MACROD2: variants seen among roughly 807,000 people sequenced by gnomAD.
MACROD2 encodes ADP-ribose glycohydrolase MACROD2.
In MACROD2, 36 loss-of-function variants were observed where a neutral mutation model predicts 70.4. The observed-to-expected ratio is 0.51, with a 90% CI of 0.39 to 0.68. MACROD2 has a LOEUF of 0.68. Among genes scored for constraint, MACROD2 ranks in the 30% least tolerant of loss-of-function variants. The pLI is 0.00. For missense variants in MACROD2, 496 were observed against 538.4 expected, an observed-to-expected ratio of 0.92 and a Z score of 0.78; for synonymous variants, 172 against 178.8, an observed-to-expected ratio of 0.96 and a Z score of 0.30.
intron 8 of MACROD2, among the ~76,000 whole-genome samples, chr20:15,680,939 C>A (rs2050151513): frequency 6.6e-6 from 1 of 152,196 alleles, no homozygotes; most frequent in Admixed American, 6.5e-5. Context: ...AAACTCATCA[C>A]ATGATACTCC....
At chr20:15,072,216 T>A (rs891223335) in intron 5 of MACROD2, among the ~76,000 whole-genome samples, 3 of 152,204 alleles carry the variant, frequency 2.0e-5, no homozygotes, top group African/African-American at 7.2e-5. Context: ...GATTCCTTTG[T>A]TGACAAATAG....
intron 5 of MACROD2, among the ~76,000 whole-genome samples, chr20:15,176,450 C>T (rs1390672595): frequency 1.3e-5 from 2 of 152,236 alleles, no homozygotes; most frequent in East Asian, 3.9e-4. Context: ...GCACTTCCTC[C>T]CTTATGAGCC....
chr20:14,193,791 C>T lies in MACROD2; in HGVS notation c.271+108063C>T, dbSNP rs141765024. Among the ~76,000 whole-genome samples, 430 of 152,244 alleles carry T rather than the reference C, an allele frequency of 2.8e-3. 2 individuals carry two copies. Among genetic ancestry groups the T allele is most frequent in the African/African-American group, 9.7e-3 (403 of 41,538 alleles). On this transcript the variant is annotated intron_variant, in intron 3 of 17. Transcript: ENST00000684519. ...GTAGTGCCCATTGGCTCAATTGGAA[C>T]GAGGCAGAAATCTCTAGGGGTCAGC... is the stretch of plus-strand genomic sequence containing the variant.
At chr20:14,451,771 G>A (rs2084248392) in intron 3 of MACROD2, among the ~76,000 whole-genome samples, 1 of 152,166 alleles carries the variant, frequency 6.6e-6, no homozygotes, top group Admixed American at 6.5e-5. Context: ...GTAAGGCCAA[G>A]GGAATATGGG....
chr20:15,164,522 G>A (rs895781717), intron 5 of MACROD2, among the ~76,000 whole-genome samples: 4 of 152,112 alleles, frequency 2.6e-5, no homozygotes, highest in African/African-American at 9.7e-5. Flanking sequence ...TCCTTGAGAT[G>A]CAATCAAGGT....
intron 4 of MACROD2, among the ~76,000 whole-genome samples, chr20:14,649,871 G>A (rs1343404196): frequency 6.6e-6 from 1 of 152,124 alleles, no homozygotes; most frequent in African/African-American, 2.4e-5. Context: ...CACAGGCTGG[G>A]TGGGGCTGAG....
chr20:14,586,988 A>ATT (rs1981426736), intron 4 of MACROD2, among the ~76,000 whole-genome samples: 1 of 151,896 alleles, frequency 6.6e-6, no homozygotes, highest in African/African-American at 2.4e-5. Context: ...TTCAAAATGT[A>ATT]TTATTTTCTT....
At chr20:14,643,092 A>G (rs1173593787) in intron 4 of MACROD2, among the ~76,000 whole-genome samples, 3 of 152,220 alleles carry the variant, frequency 2.0e-5, no homozygotes, top group East Asian at 3.8e-4. Context: ...ATAACAAAAT[A>G]TCCAAATAAA....
intron 8 of MACROD2, among the ~76,000 whole-genome samples, chr20:15,720,571 T>G (rs2050774118): frequency 6.6e-6 from 1 of 152,188 alleles, no homozygotes; most frequent in African/African-American, 2.4e-5. Flanking sequence ...TCGTTAGAGA[T>G]GCAATTTGTG....
At chr20:14,420,872 G>C (rs1372264417) in intron 3 of MACROD2, among the ~76,000 whole-genome samples, 2 of 151,920 alleles carry the variant, frequency 1.3e-5, no homozygotes, top group Non-Finnish European at 2.9e-5. Flanking sequence ...TTAATTTTTT[G>C]TGTAGAGGTG....
At chr20:15,048,492 G>A (rs371408944) in intron 5 of MACROD2, among the ~76,000 whole-genome samples, 1 of 150,500 alleles carries the variant, frequency 6.6e-6, no homozygotes, top group Non-Finnish European at 1.5e-5. Context: ...TAGTATCTAC[G>A]TGCCTACCTT....
At chr20:14,270,428 A>G (rs2082182126) in intron 3 of MACROD2, among the ~76,000 whole-genome samples, 1 of 152,054 alleles carries the variant, frequency 6.6e-6, no homozygotes, top group Non-Finnish European at 1.5e-5. Flanking sequence ...TGTCTCTACT[A>G]AAACACAAAA....
At chr20:15,033,215 G>C (rs780467192) in intron 5 of MACROD2, among the ~76,000 whole-genome samples, 1 of 152,198 alleles carries the variant, frequency 6.6e-6, no homozygotes, top group Non-Finnish European at 1.5e-5. Context: ...AATGGCTACA[G>C]TGATAAATTA....
At chr20:14,820,438 G>A (rs888679164) in intron 5 of MACROD2, among the ~76,000 whole-genome samples, 1 of 143,052 alleles carries the variant, frequency 7.0e-6, no homozygotes, top group Non-Finnish European at 1.5e-5. Flanking sequence ...CAGCTACTGT[G>A]ATATCTTCTG....
intron 8 of MACROD2, among the ~76,000 whole-genome samples, chr20:15,694,165 G>T (rs188971176): frequency 6.6e-6 from 1 of 152,242 alleles, no homozygotes; most frequent in South Asian, 2.1e-4. Flanking sequence ...GAATTGTGCT[G>T]CTATAAACAT....
At chr20:14,273,885 G>C (rs1601423056) in intron 3 of MACROD2, among the ~76,000 whole-genome samples, 1 of 152,066 alleles carries the variant, frequency 6.6e-6, no homozygotes, top group Non-Finnish European at 1.5e-5. Context: ...AAATAAACTA[G>C]AAAATCTAGA....
chr20:14,384,727 A>G (rs1403425603), intron 3 of MACROD2, among the ~76,000 whole-genome samples: 2 of 152,076 alleles, frequency 1.3e-5, no homozygotes, highest in African/African-American at 2.4e-5. Flanking sequence ...TTTATTTTAC[A>G]TACTAGTAAT....
At chr20:15,171,503 C>A (rs1435249885) in intron 5 of MACROD2, among the ~76,000 whole-genome samples, 1 of 151,860 alleles carries the variant, frequency 6.6e-6, no homozygotes, top group Non-Finnish European at 1.5e-5. Context: ...TACATAGTAA[C>A]AAGATTCAAT....
intron 5 of MACROD2, among the ~76,000 whole-genome samples, chr20:14,888,944 G>T (rs1345361259): frequency 6.6e-6 from 1 of 151,934 alleles, no homozygotes; most frequent in Non-Finnish European, 1.5e-5. Flanking sequence ...CATGAATTTT[G>T]GGAGAAAAGC....
Sources: gnomAD v4.1 joint callset for allele counts (sites outside exome capture counted in the v4.1 genomes callset) on GRCh38, gnomAD v4.1.1 for gene constraint, MANE v1.5 for transcripts, NCBI Gene and HGNC (gene_info 2026-07-23, HGNC 2026-07-21) for gene names.